The following FAM227B variants were observed in gnomAD, a reference collection of about 807,000 sequenced individuals.
The protein encoded by FAM227B is protein FAM227B.
A neutral mutation model predicts 73.8 loss-of-function variants in FAM227B; 88 were observed. The ratio of observed to expected loss-of-function variants is 1.19; its 90% CI spans 1.00 to 1.42. The LOEUF (loss-of-function observed/expected upper bound fraction) is 1.42. Among genes scored for constraint, FAM227B ranks in the 40% most tolerant of loss-of-function variants. FAM227B has a pLI of 0.00. For missense variants in FAM227B, 632 were observed against 590.9 expected, an observed-to-expected ratio of 1.07 and a Z score of -0.72; for synonymous variants, 210 against 190.5, an observed-to-expected ratio of 1.10 and a Z score of -0.84.
intron 10 of FAM227B, among the ~76,000 whole-genome samples, chr15:49,518,326 A>G (rs540419279): frequency 6.6e-6 from 1 of 152,282 alleles, no homozygotes; most frequent in African/African-American, 2.4e-5. Flanking sequence ...TGGTGGTTGA[A>G]TGCCAGTACT....
At chr15:49,470,660 T>G (rs2054657776) in intron 11 of FAM227B, among the ~76,000 whole-genome samples, 1 of 152,152 alleles carries the variant, frequency 6.6e-6, no homozygotes, top group South Asian at 2.1e-4. Context: ...GGCCTGGAAG[T>G]TGAAAAAATG....
chr15:49,594,756 G>A (rs2076793658), intron 3 of FAM227B, among the ~76,000 whole-genome samples: 1 of 152,078 alleles, frequency 6.6e-6, no homozygotes, highest in Non-Finnish European at 1.5e-5. Context: ...TTTATTTAAA[G>A]GTTCTCTGTT....
chr15:49,512,863 A>C (rs983668698), intron 10 of FAM227B, among the ~76,000 whole-genome samples: 21 of 151,920 alleles, frequency 1.4e-4, no homozygotes, highest in African/African-American at 5.1e-4. Flanking sequence ...TTGGTTTTCT[A>C]TTCCTGTGTT....
chr15:49,612,416 T>C (rs1275205649), intron 2 of FAM227B, among the ~76,000 whole-genome samples: 6 of 152,178 alleles, frequency 3.9e-5, no homozygotes. Flanking sequence ...ACAAAGGACA[T>C]GAACTCATCA....
At chr15:49,336,992 T>G (rs2039830455) in intron 13 of FAM227B, among the ~76,000 whole-genome samples, 1 of 152,248 alleles carries the variant, frequency 6.6e-6, no homozygotes, top group South Asian at 2.1e-4. Context: ...GGCCTCCATC[T>G]GCATTCATGT....
At chr15:49,476,606 T>TAAC (rs3075949) in intron 11 of FAM227B, among the ~76,000 whole-genome samples, 50,760 of 151,770 alleles carry the variant, frequency 0.33, 9,419 homozygotes, top group African/African-American at 0.49. Context: ...TAGTAATTAA[T>TAAC]AAATCACATA....
chr15:49,363,794 G>A (rs1375662509), intron 13 of FAM227B, among the ~76,000 whole-genome samples: 2 of 152,064 alleles, frequency 1.3e-5, no homozygotes, highest in Admixed American at 1.3e-4. Context: ...TTCCTTCAAT[G>A]TCTAGTTTGT....
chr15:49,386,468 C>A (rs186086362), intron 11 of FAM227B, among the ~76,000 whole-genome samples: 63 of 151,302 alleles, frequency 4.2e-4, no homozygotes, highest in Non-Finnish European at 8.3e-4. Flanking sequence ...TGATAATGAC[C>A]CAAGTTATCA....
At chr15:49,369,352 A>C (rs1483842307) in intron 12 of FAM227B, among the ~76,000 whole-genome samples, 1 of 152,100 alleles carries the variant, frequency 6.6e-6, no homozygotes, top group Non-Finnish European at 1.5e-5. Context: ...AGAAACCCTA[A>C]TGTTTCCATT....
chr15:49,562,754 A>G (rs1416440608), intron 9 of FAM227B, among the ~76,000 whole-genome samples: 1 of 152,218 alleles, frequency 6.6e-6, no homozygotes. Flanking sequence ...AAAAAATATG[A>G]TCAACTCAAT....
chr15:49,481,585 T>TATTC (rs1480847310), intron 11 of FAM227B, among the ~76,000 whole-genome samples: 40 of 152,304 alleles, frequency 2.6e-4, no homozygotes, highest in African/African-American at 9.1e-4. Flanking sequence ...TTCTCTAGCC[T>TATTC]ATTCAGGCCT....
intron 11 of FAM227B, among the ~76,000 whole-genome samples, chr15:49,422,899 A>G (rs1381287028): frequency 1.3e-5 from 2 of 152,214 alleles, no homozygotes; most frequent in African/African-American, 4.8e-5. Flanking sequence ...TGTATCATAA[A>G]GCTATGGAAA....
chr15:49,426,505 T>C (rs2050144544), intron 11 of FAM227B, among the ~76,000 whole-genome samples: 1 of 151,944 alleles, frequency 6.6e-6, no homozygotes, highest in Admixed American at 6.6e-5. Context: ...TGCATAATTA[T>C]TTAGGATCAA....
At chr15:49,495,917 G>A (rs142690673) in intron 11 of FAM227B, among the ~76,000 whole-genome samples, 1 of 152,080 alleles carries the variant, frequency 6.6e-6, no homozygotes, top group Non-Finnish European at 1.5e-5. Flanking sequence ...CAGCTACTTG[G>A]GAGACTGAGG....
At chr15:49,529,741 A>C (rs1207943793) in intron 10 of FAM227B, among the ~76,000 whole-genome samples, 1 of 151,660 alleles carries the variant, frequency 6.6e-6, no homozygotes, top group African/African-American at 2.4e-5. Context: ...GCTTATAGTC[A>C]CATCTACTCT....
At chr15:49,438,616 C>A (rs1392209037) in intron 11 of FAM227B, among the ~76,000 whole-genome samples, 1 of 151,556 alleles carries the variant, frequency 6.6e-6, no homozygotes, top group African/African-American at 2.4e-5. Context: ...AGAGGGAGCA[C>A]GAGGACAAGG....
At chr15:49,351,371 C>T (rs993926838) in intron 13 of FAM227B, among the ~76,000 whole-genome samples, 12 of 152,166 alleles carry the variant, frequency 7.9e-5, no homozygotes, top group Non-Finnish European at 1.3e-4. Flanking sequence ...CGGCCAATTC[C>T]GCCCAAACTC....
chr15:49,395,988 G>C (rs773703461), intron 11 of FAM227B: 1 of 455,842 alleles, frequency 2.2e-6, no homozygotes, highest in Non-Finnish European at 4.4e-6. Context: ...AACTGGGGGC[G>C]AGGAGCCAAG....
chr15:49,499,821 A>C (rs1461195213), intron 11 of FAM227B, among the ~76,000 whole-genome samples: 1 of 152,208 alleles, frequency 6.6e-6, no homozygotes, highest in African/African-American at 2.4e-5. Flanking sequence ...AGTGATTCTT[A>C]ATGTTTATAC....
Sources: gnomAD v4.1 joint callset for allele counts (sites outside exome capture counted in the v4.1 genomes callset) on GRCh38, gnomAD v4.1.1 for gene constraint, MANE v1.5 for transcripts, NCBI Gene and HGNC (gene_info 2026-07-23, HGNC 2026-07-21) for gene names.